The following SLC24A2 variants were observed in gnomAD, a reference collection of about 807,000 sequenced individuals.
SLC24A2 encodes the protein solute carrier family 24 member 2.
A neutral mutation model predicts 62.0 loss-of-function variants in SLC24A2; 36 were observed. That is an observed-to-expected ratio of 0.58 (90% CI 0.44 to 0.77). The LOEUF is 0.77. Among genes scored for constraint, SLC24A2 ranks in the 30% least tolerant of loss-of-function variants. The pLI, the probability that SLC24A2 is intolerant of heterozygous loss-of-function variation, is 0.00. For synonymous variants in SLC24A2, 358 were observed against 294.0 expected (o/e 1.22, Z -2.23); for missense variants, 846 against 817.9 (o/e 1.03, Z -0.42).
At chr9:19,673,520 T>C (rs1819479309) in intron 2 of SLC24A2, among the ~76,000 whole-genome samples, 4 of 152,050 alleles carry the variant, frequency 2.6e-5, no homozygotes, top group Admixed American at 2.6e-4. Context: ...ACGATATCAG[T>C]TCACTGCAAC....
At chr9:19,559,589 T>G (rs58078046) in intron 7 of SLC24A2, among the ~76,000 whole-genome samples, 8,714 of 152,208 alleles carry the variant, frequency 0.057, 814 homozygotes, top group African/African-American at 0.2. Flanking sequence ...AAGGTAAAAT[T>G]ACCAAAAGTG....
the SLC24A2 span, among the ~76,000 whole-genome samples, chr9:19,897,801 A>C: frequency 6.6e-6 from 1 of 152,196 alleles, no homozygotes; most frequent in African/African-American, 2.4e-5. Flanking sequence ...CAAGGGACAA[A>C]AGGGCAAAAC....
the SLC24A2 span, among the ~76,000 whole-genome samples, chr9:19,949,375 G>C: frequency 6.6e-6 from 1 of 152,174 alleles, no homozygotes; most frequent in Non-Finnish European, 1.5e-5. Flanking sequence ...TAGATATGAA[G>C]GAACTCATGT....
the SLC24A2 span, among the ~76,000 whole-genome samples, chr9:19,994,643 G>C: frequency 2.0e-5 from 3 of 152,172 alleles, no homozygotes; most frequent in African/African-American, 7.2e-5. Flanking sequence ...GAATGCCCAA[G>C]TTGGCAAGCA....
chr9:20,104,310 C>A, the SLC24A2 span, among the ~76,000 whole-genome samples: 2 of 152,168 alleles, frequency 1.3e-5, no homozygotes, highest in Admixed American at 1.3e-4. Flanking sequence ...CCCAATCTAG[C>A]AAGGCAGGCC....
chr9:20,004,006 T>C, the SLC24A2 span, among the ~76,000 whole-genome samples: 2 of 152,134 alleles, frequency 1.3e-5, no homozygotes, highest in African/African-American at 4.8e-5. Context: ...TATATGTAAT[T>C]AGTTGGGCTA....
the SLC24A2 span, among the ~76,000 whole-genome samples, chr9:19,843,496 G>A: frequency 6.6e-6 from 1 of 152,202 alleles, no homozygotes; most frequent in Non-Finnish European, 1.5e-5. Flanking sequence ...TGGGCAACAA[G>A]AGCGAAACTC....
intron 2 of SLC24A2, among the ~76,000 whole-genome samples, chr9:19,757,086 A>T (rs1288229613): frequency 6.6e-6 from 1 of 151,840 alleles, no homozygotes; most frequent in Non-Finnish European, 1.5e-5. Context: ...GAAACTTTTT[A>T]AAAACAGAAA....
chr9:20,071,532 GC>G, the SLC24A2 span, among the ~76,000 whole-genome samples: 1 of 152,104 alleles, frequency 6.6e-6, no homozygotes, highest in Non-Finnish European at 1.5e-5. Flanking sequence ...GATGAATAAT[GC>G]CCCCCAAAAT....
At chr9:19,654,110 T>C (rs780494967) in intron 2 of SLC24A2, among the ~76,000 whole-genome samples, 33 of 152,164 alleles carry the variant, frequency 2.2e-4, no homozygotes, top group Middle Eastern at 3.2e-3. Context: ...CAAGCAACCA[T>C]TGATCCACTT....
chr9:19,732,816 C>T (rs1182656), intron 2 of SLC24A2, among the ~76,000 whole-genome samples: 79,014 of 151,842 alleles, frequency 0.52, 21,286 homozygotes, highest in East Asian at 0.73. Context: ...TCCCATCTGC[C>T]TGTCAGGCTG....
the SLC24A2 span, among the ~76,000 whole-genome samples, chr9:19,849,711 A>G: frequency 2.2e-4 from 33 of 152,196 alleles, no homozygotes; most frequent in African/African-American, 7.0e-4. Flanking sequence ...TCTGTCATGT[A>G]TCCAACTAAA....
the SLC24A2 span, among the ~76,000 whole-genome samples, chr9:20,243,779 G>T: frequency 1.3e-5 from 2 of 152,144 alleles, no homozygotes; most frequent in Non-Finnish European, 2.9e-5. Context: ...CTTTTTGGGG[G>T]TGTTTGACTG....
intron 7 of SLC24A2, among the ~76,000 whole-genome samples, chr9:19,557,198 G>C (rs933942690): frequency 2.6e-5 from 4 of 152,018 alleles, no homozygotes; most frequent in Non-Finnish European, 4.4e-5. Flanking sequence ...GATATGAATG[G>C]GCTTTACATC....
At chr9:20,012,584 A>G in the SLC24A2 span, among the ~76,000 whole-genome samples, 1 of 152,232 alleles carries the variant, frequency 6.6e-6, no homozygotes, top group South Asian at 2.1e-4. Context: ...ATAGAAAAGA[A>G]AGAAGTAAAA....
chr9:19,544,093 C>A (rs1349857667), intron 8 of SLC24A2, among the ~76,000 whole-genome samples: 1 of 152,060 alleles, frequency 6.6e-6, no homozygotes, highest in Non-Finnish European at 1.5e-5. Context: ...TAAGAACTTG[C>A]CTTATGAACT....
the SLC24A2 span, among the ~76,000 whole-genome samples, chr9:20,020,047 C>T: frequency 1.3e-5 from 2 of 152,074 alleles, no homozygotes; most frequent in African/African-American, 4.8e-5. Flanking sequence ...GTTAGAATGG[C>T]AATCATTAAA....
chr9:19,962,581 C>T, the SLC24A2 span, among the ~76,000 whole-genome samples: 1 of 152,150 alleles, frequency 6.6e-6, no homozygotes, highest in Non-Finnish European at 1.5e-5. Flanking sequence ...TCCTTCCCGT[C>T]CCTTGTAAGT....
rs7019102 is a variant in SLC24A2, at chr9:19,513,703, A to G, written c.*2450T>C. 46,648 of 152,030 alleles carry G rather than the reference A, an allele frequency of 0.31. 7,277 individuals carry two copies. Among genetic ancestry groups the G allele is most frequent in the Middle Eastern group, 0.45 (132 of 294 alleles). The allele number at this position is 152,030 out of a possible 1,614,324, so 9.4% of individuals were successfully genotyped here. On this transcript the variant is annotated 3_prime_UTR_variant, in exon 11 of 11. Coordinates refer to ENST00000341998, the MANE Select transcript of SLC24A2 (RefSeq NM_020344.4). ...AGGTCTCCTTCAACTTCTGTTTTAC[A>G]TGGTCTGTTTGCAGTTGAGTCAGTC... is the stretch of plus-strand genomic sequence containing the variant.
Sources: allele counts gnomAD v4.1 joint callset (sites outside exome capture counted in the v4.1 genomes callset), GRCh38; gene constraint gnomAD v4.1.1; transcripts MANE v1.5; gene names NCBI Gene and HGNC (gene_info 2026-07-23, HGNC 2026-07-21).